Variants in TXNRD1 observed in about 807,000 individuals in gnomAD.
TXNRD1 encodes thioredoxin reductase 1.
Under a neutral mutation model 80.3 loss-of-function variants are expected in TXNRD1, and 57 were observed. That is an observed-to-expected ratio of 0.71 (90% CI 0.57 to 0.89). The LOEUF (loss-of-function observed/expected upper bound fraction) is 0.89, where lower values mean the gene tolerates loss of function less well. TXNRD1 is among the 40% of genes least tolerant of loss of function. The pLI, the probability that TXNRD1 is intolerant of heterozygous loss-of-function variation, is 0.00. For synonymous variants in TXNRD1, 291 were observed against 285.2 expected, an observed-to-expected ratio of 1.02 and a Z score of -0.20; for missense variants, 730 against 803.0, an observed-to-expected ratio of 0.91 and a Z score of 1.10.
intron 10 of TXNRD1, among the ~76,000 whole-genome samples, chr12:104,324,941 A>C (rs947302889): frequency 2.0e-5 from 3 of 152,168 alleles, no homozygotes; most frequent in African/African-American, 7.2e-5. Flanking sequence ...GTCAAAAGAG[A>C]ATCTCTGAAT....
chr12:104,330,626 C>T, intron 13 of TXNRD1, among the ~76,000 whole-genome samples: 1 of 151,912 alleles, frequency 6.6e-6, no homozygotes, highest in East Asian at 1.9e-4. Context: ...CACTCTTGTC[C>T]CCCAGGCTGG....
At chr12:104,288,733 C>G (rs1168289121) in intron 3 of TXNRD1, 198 bp from the exon 4 acceptor site, 1 of 1,439,146 alleles carries the variant, frequency 6.9e-7, no homozygotes, top group Non-Finnish European at 9.2e-7. Flanking sequence ...GCGGATTTGC[C>G]GGGGTCAGAC....
intron 3 of TXNRD1, among the ~76,000 whole-genome samples, chr12:104,268,125 G>C (rs1359623913): frequency 6.6e-6 from 1 of 151,410 alleles, no homozygotes; most frequent in Non-Finnish European, 1.5e-5. Flanking sequence ...AAAGTGCTGG[G>C]ATTACAGGTG....
intron 7 of TXNRD1, among the ~76,000 whole-genome samples, chr12:104,317,798 C>T (rs976727637): frequency 6.6e-6 from 1 of 152,162 alleles, no homozygotes; most frequent in East Asian, 1.9e-4. Flanking sequence ...ATTGATTGCA[C>T]CACTGCACTC....
intron 4 of TXNRD1, chr12:104,309,948 C>T (rs2035069493): frequency 6.5e-7 from 1 of 1,535,978 alleles, no homozygotes; most frequent in African/African-American, 1.4e-5. Context: ...ATGCTGCCAA[C>T]AGGTAGCCAC....
chr12:104,332,749 C>CAAAAAAAAA (rs34106883), intron 14 of TXNRD1, among the ~76,000 whole-genome samples: 2 of 76,732 alleles, frequency 2.6e-5, no homozygotes, highest in Admixed American at 1.7e-4. Flanking sequence ...AACTCCGTCT[C>CAAAAAAAAA]AAAAAAAAAA....
intron 4 of TXNRD1, chr12:104,309,761 C>T: frequency 6.6e-7 from 1 of 1,526,630 alleles, no homozygotes; most frequent in Non-Finnish European, 8.8e-7. Flanking sequence ...CCCCACAGTG[C>T]TTTGTATTGA....
At chr12:104,308,150 C>T (rs1409240680) in intron 4 of TXNRD1, among the ~76,000 whole-genome samples, 1 of 152,134 alleles carries the variant, frequency 6.6e-6, no homozygotes, top group Non-Finnish European at 1.5e-5. Context: ...CGCCTGCCAC[C>T]ACGCCCAGCT....
intron 3 of TXNRD1, among the ~76,000 whole-genome samples, chr12:104,267,184 T>G (rs1307429750): frequency 6.9e-6 from 1 of 143,916 alleles, no homozygotes; most frequent in Non-Finnish European, 1.5e-5. Flanking sequence ...AAAAAAATAA[T>G]ATAATAATTA....
chr12:104,337,409 T>G (rs979530469), intron 15 of TXNRD1, among the ~76,000 whole-genome samples: 4 of 151,920 alleles, frequency 2.6e-5, no homozygotes, highest in Non-Finnish European at 5.9e-5. Context: ...CTAGTCAGAG[T>G]CTGCGCTGAA....
intron 4 of TXNRD1, among the ~76,000 whole-genome samples, chr12:104,297,160 C>T (rs1319869095): frequency 6.6e-6 from 1 of 151,598 alleles, no homozygotes; most frequent in Admixed American, 6.6e-5. Flanking sequence ...AAAAAATTAG[C>T]CGGGTGTGTT....
intron 4 of TXNRD1, among the ~76,000 whole-genome samples, chr12:104,294,377 C>T (rs1015064310): frequency 9.2e-5 from 14 of 151,680 alleles, no homozygotes. Context: ...AGGAGCCCTC[C>T]GGTGGCCCTG....
chr12:104,288,980 C>A lies in TXNRD1; in HGVS notation c.354C>A (p.Thr118=), dbSNP rs745686383. ...EGTLSELAAE[T]DLPVVFVKQR... is the part of the protein sequence containing the mutation. The stretch of plus-strand genomic sequence containing the variant: ...CGCTCTCGGAATTGGCCGCGGAAAC[C>A]GATCTGCCCGTTGTGTTTGTGAAAC... Residue 118 remains threonine, a synonymous_variant, in exon 4 of 17, where the codon ACC becomes ACA. Coordinates refer to ENST00000525566, the MANE Select transcript of TXNRD1 (RefSeq NM_001093771.3). 3 of 1,614,006 alleles carry A rather than the reference C, an allele frequency of 1.9e-6. No individual in the cohort carries two copies. Among genetic ancestry groups the A allele is most frequent in the Non-Finnish European group, 2.5e-6 (3 of 1,179,878 alleles).
At position 104,251,468 on chromosome 12, in the gene TXNRD1, A is replaced by C. The variant is rs891600560; in HGVS notation, c.92-59A>C. 2.6e-6 allele frequency: 4 copies of C among 1,549,164 alleles called. No homozygotes were observed. The African/African-American group carries it at 5.4e-5, about 21-fold the overall frequency. ...CTTTTAGAGTGAACCTAATATTAGA[A>C]AATGCATCATCATGTTTTCCTTTGT... On this transcript the variant is annotated intron_variant, in intron 1 of 16. Coordinates refer to ENST00000525566, the MANE Select transcript of TXNRD1 (RefSeq NM_001093771.3).
chr12:104,309,397 A>C (rs1486419336), intron 4 of TXNRD1, among the ~76,000 whole-genome samples: 1 of 152,194 alleles, frequency 6.6e-6, no homozygotes, highest in East Asian at 1.9e-4. Context: ...TCAGTAAGGA[A>C]CGGATTGTAA....
intron 15 of TXNRD1, among the ~76,000 whole-genome samples, chr12:104,336,452 C>A (rs539094013): frequency 2.6e-5 from 4 of 152,164 alleles, no homozygotes; most frequent in South Asian, 2.1e-4. Context: ...ATCCCTGGGG[C>A]GTGCTTTATT....
rs573652880 is a variant in TXNRD1 at position 104,316,515 on chromosome 12, G to A, written c.730+619G>A. ...CACCATTCTCCTGCCTCAGCCTCCC[G>A]AGTAGCTGGGATTACGGGCGCCTGC... On this transcript the variant is annotated intron_variant, in intron 7 of 16. Coordinates refer to ENST00000525566, the MANE Select transcript of TXNRD1 (RefSeq NM_001093771.3). 3.9e-5 allele frequency among the ~76,000 whole-genome samples: 6 copies of A among 152,092 alleles called. No homozygotes were observed. In the South Asian group the frequency reaches 8.3e-4, roughly 21 times the overall value.
chr12:104,322,321 A>G (rs900514486), intron 10 of TXNRD1, among the ~76,000 whole-genome samples: 3 of 151,844 alleles, frequency 2.0e-5, no homozygotes, highest in Admixed American at 2.0e-4. Flanking sequence ...TTAAGGCACA[A>G]ATTTCCTGGA....
At chr12:104,347,206 A>G (rs1040361475) in intron 16 of TXNRD1, among the ~76,000 whole-genome samples, 2 of 152,086 alleles carry the variant, frequency 1.3e-5, no homozygotes, top group Non-Finnish European at 1.5e-5. Context: ...TGAATTATCC[A>G]TATTTTCTAA....
Sources: gnomAD v4.1 joint callset for allele counts (sites outside exome capture counted in the v4.1 genomes callset) on GRCh38, gnomAD v4.1.1 for gene constraint, MANE v1.5 for transcripts, NCBI Gene and HGNC (gene_info 2026-07-23, HGNC 2026-07-21) for gene names.